Variants in CYP2C19 observed in about 807,000 individuals in gnomAD.
The protein encoded by CYP2C19 is cytochrome P450 family 2 subfamily C member 19, also known as cytochrome P450 2C19.
Under a neutral mutation model 40.9 loss-of-function variants are expected in CYP2C19, and 59 were observed. The observed-to-expected ratio is 1.44, with a 90% confidence interval of 1.17 to 1.79. The LOEUF (loss-of-function observed/expected upper bound fraction) is 1.79. Ranked by LOEUF, CYP2C19 falls within the 40% of genes most tolerant of loss-of-function variation. The pLI is 0.00. For missense variants in CYP2C19, 754 were observed against 596.9 expected, an observed-to-expected ratio of 1.26 and a Z score of -2.74; for synonymous variants, 253 against 208.7, an observed-to-expected ratio of 1.21 and a Z score of -1.83.
intron 5 of CYP2C19, among the ~76,000 whole-genome samples, chr10:94,782,233 A>C (rs993090871): frequency 3.5e-4 from 54 of 152,174 alleles, no homozygotes; most frequent in African/African-American, 1.3e-3. Flanking sequence ...CTATCTGAAC[A>C]ATAAGGATGT....
intron 8 of CYP2C19, among the ~76,000 whole-genome samples, chr10:94,852,448 A>G (rs757646880): frequency 6.6e-6 from 1 of 152,240 alleles, no homozygotes; most frequent in Non-Finnish European, 1.5e-5. Flanking sequence ...GACAGTCAAT[A>G]AACATTTGTT....
At chr10:94,783,104 A>G (rs1848499902) in intron 5 of CYP2C19, among the ~76,000 whole-genome samples, 1 of 152,098 alleles carries the variant, frequency 6.6e-6, no homozygotes, top group African/African-American at 2.4e-5. Flanking sequence ...AACTTAAAGT[A>G]TAATAATAAT....
intron 7 of CYP2C19, among the ~76,000 whole-genome samples, chr10:94,844,964 C>A (rs1039157473): frequency 2.6e-5 from 4 of 152,184 alleles, no homozygotes; most frequent in African/African-American, 9.7e-5. Flanking sequence ...CACCCACCTG[C>A]AGGGCAGCTC....
intron 6 of CYP2C19, among the ~76,000 whole-genome samples, chr10:94,823,302 A>G (rs1849158091): frequency 6.6e-6 from 1 of 152,126 alleles, no homozygotes; most frequent in Non-Finnish European, 1.5e-5. Flanking sequence ...AAGGAGGCTT[A>G]CTCTCTAGAG....
At chr10:94,773,143 T>C (rs577999429) in intron 1 of CYP2C19, among the ~76,000 whole-genome samples, 25 of 152,080 alleles carry the variant, frequency 1.6e-4, no homozygotes, top group Non-Finnish European at 3.1e-4. Context: ...TAAGGAAAAA[T>C]AGGACAGAAC....
intron 5 of CYP2C19, among the ~76,000 whole-genome samples, chr10:94,804,839 A>G (rs1281314018): frequency 1.3e-5 from 2 of 152,236 alleles, no homozygotes; most frequent in African/African-American, 2.4e-5. Context: ...TGGCTGAAGC[A>G]TGCTAATTGC....
intron 1 of CYP2C19, among the ~76,000 whole-genome samples, chr10:94,763,801 G>A (rs1848206015): frequency 6.6e-6 from 1 of 152,044 alleles, no homozygotes; most frequent in South Asian, 2.1e-4. Flanking sequence ...CTTTCCAGTG[G>A]GTTCTTGGTC....
chr10:94,827,446 G>C (rs986192273), intron 6 of CYP2C19, among the ~76,000 whole-genome samples: 1 of 151,984 alleles, frequency 6.6e-6, no homozygotes, highest in African/African-American at 2.4e-5. Flanking sequence ...TAGTTTATTT[G>C]CATAGAGGTG....
chr10:94,851,632 T>G (rs1347559679), intron 8 of CYP2C19, among the ~76,000 whole-genome samples: 2 of 152,120 alleles, frequency 1.3e-5, no homozygotes, highest in Admixed American at 6.6e-5. Context: ...AAGATTGAGG[T>G]GTCAGCAAGT....
At chr10:94,828,188 G>C (rs1003281778) in intron 6 of CYP2C19, among the ~76,000 whole-genome samples, 26 of 152,112 alleles carry the variant, frequency 1.7e-4, no homozygotes, top group Non-Finnish European at 3.2e-4. Flanking sequence ...TCCGCTTGGT[G>C]CAGACCTGAG....
chr10:94,764,940 G>A (rs996651091), intron 1 of CYP2C19, among the ~76,000 whole-genome samples: 2 of 152,082 alleles, frequency 1.3e-5, no homozygotes, highest in African/African-American at 2.4e-5. Context: ...TAAACACTGG[G>A]TGGCATCTCA....
At chr10:94,786,540 T>C (rs918637536) in intron 5 of CYP2C19, among the ~76,000 whole-genome samples, 2 of 152,144 alleles carry the variant, frequency 1.3e-5, no homozygotes, top group East Asian at 1.9e-4. Context: ...AAAAAAATTT[T>C]CAACTTTTAT....
rs1170888946 is a variant in CYP2C19 at position 94,765,956 on chromosome 10, AT to A, written c.168+3084del. On this transcript the variant is annotated intron_variant, in intron 1 of 8. Coordinates refer to ENST00000371321, the MANE Select transcript of CYP2C19 (RefSeq NM_000769.4). ...GGTATTTGTAGTTACAAGGCTGTGT[AT>A]GGGCTTTTCATTGCTTGTGTAATAG... Among the ~76,000 whole-genome samples, 851 of 152,240 alleles carry A rather than the reference AT, an allele frequency of 5.6e-3. 12 individuals carry two copies. Among genetic ancestry groups the A allele is most frequent in the African/African-American group, 0.019 (780 of 41,564 alleles).
At chr10:94,850,177 A>G (rs961513535) in intron 8 of CYP2C19, 119 bp downstream of exon 8, 1 of 1,211,016 alleles carries the variant, frequency 8.3e-7, no homozygotes, top group East Asian at 2.4e-5. Context: ...GATCAAGAGC[A>G]CTGTTCTGAA....
chr10:94,820,452 G>C, intron 5 of CYP2C19, 44 bp from the exon 6 acceptor site: 1 of 1,605,960 alleles, frequency 6.2e-7, no homozygotes, highest in Non-Finnish European at 8.5e-7. Context: ...CATCAAATAT[G>C]CTGTTAAATA....
intron 7 of CYP2C19, among the ~76,000 whole-genome samples, chr10:94,845,560 C>T (rs1849560956): frequency 6.6e-6 from 1 of 152,080 alleles, no homozygotes; most frequent in African/African-American, 2.4e-5. Context: ...CACAAGATTC[C>T]AAAGACTGAG....
chr10:94,799,778 T>C (rs1336086174), intron 5 of CYP2C19, among the ~76,000 whole-genome samples: 4 of 152,202 alleles, frequency 2.6e-5, no homozygotes, highest in Non-Finnish European at 5.9e-5. Flanking sequence ...TGATACCCTT[T>C]CTTCCACTTG....
intron 5 of CYP2C19, among the ~76,000 whole-genome samples, chr10:94,805,529 C>T (rs141417293): frequency 6.6e-6 from 1 of 152,146 alleles, no homozygotes; most frequent in Non-Finnish European, 1.5e-5. Flanking sequence ...GTGCAAACAT[C>T]ACTGCCATAC....
At chr10:94,826,521 T>G (rs1485125177) in intron 6 of CYP2C19, among the ~76,000 whole-genome samples, 1 of 152,218 alleles carries the variant, frequency 6.6e-6, no homozygotes, top group Non-Finnish European at 1.5e-5. Flanking sequence ...ATCCTGAGAC[T>G]TTGCTGAAGT....
Sources: allele counts gnomAD v4.1 joint callset (sites outside exome capture counted in the v4.1 genomes callset), GRCh38; gene constraint gnomAD v4.1.1; transcripts MANE v1.5; gene names NCBI Gene and HGNC (gene_info 2026-07-23, HGNC 2026-07-21).